Variants in DIAPH2 observed in about 807,000 individuals in gnomAD.
The protein encoded by DIAPH2 is protein diaphanous homolog 2.
DIAPH2 carries 35 observed loss-of-function variants against 92.7 expected under a neutral mutation model. That is an observed-to-expected ratio of 0.38 (90% confidence interval 0.29 to 0.50). DIAPH2 has a LOEUF of 0.50. Among genes scored for constraint, DIAPH2 ranks in the 20% least tolerant of loss-of-function variants. The pLI, the probability that DIAPH2 is intolerant of heterozygous loss-of-function variation, is 0.94. For synonymous variants in DIAPH2, 301 were observed against 280.4 expected, an observed-to-expected ratio of 1.07 and a Z score of -0.73; for missense variants, 701 against 819.5, an observed-to-expected ratio of 0.86 and a Z score of 1.77.
At chrX:97,424,730 C>T (rs1189607538) in intron 25 of DIAPH2, among the ~76,000 whole-genome samples, 1 of 111,498 alleles carries the variant, frequency 9.0e-6, no homozygotes, top group Non-Finnish European at 1.9e-5. Context: ...CCCTCCCGCC[C>T]CAGCCTCCTG....
intron 19 of DIAPH2, among the ~76,000 whole-genome samples, chrX:97,085,641 T>C (rs1033627691): frequency 2.7e-5 from 3 of 110,922 alleles, no homozygotes; most frequent in Non-Finnish European, 5.7e-5. Flanking sequence ...GGTCTCAAAC[T>C]CCTGACCTCA....
intron 4 of DIAPH2, among the ~76,000 whole-genome samples, chrX:96,778,419 C>CT (rs1037897663): frequency 4.6e-5 from 5 of 109,335 alleles, no homozygotes; most frequent in African/African-American, 1.7e-4. Context: ...AATTTTTTTT[C>CT]TTTTTTTGCC....
chrX:97,495,116 T>G (rs1367199636), intron 26 of DIAPH2, among the ~76,000 whole-genome samples: 1 of 112,461 alleles, frequency 8.9e-6, no homozygotes, highest in Non-Finnish European at 1.9e-5. Flanking sequence ...CAAAGTGATA[T>G]TTTTCAGTGC....
intron 4 of DIAPH2, among the ~76,000 whole-genome samples, chrX:96,794,948 C>A (rs1414400867): frequency 5.4e-5 from 6 of 111,964 alleles, no homozygotes; most frequent in Non-Finnish European, 1.1e-4. Flanking sequence ...GTGTCATCTT[C>A]TGCTTTTCCT....
intron 23 of DIAPH2, among the ~76,000 whole-genome samples, chrX:97,329,792 C>T (rs1347557510): frequency 9.2e-6 from 1 of 109,014 alleles, no homozygotes; most frequent in African/African-American, 3.3e-5. Context: ...CACTTAGAAG[C>T]CTTTGCTCGA....
At chrX:97,147,706 C>T (rs890358031) in intron 22 of DIAPH2, among the ~76,000 whole-genome samples, 4 of 111,480 alleles carry the variant, frequency 3.6e-5, no homozygotes, top group African/African-American at 1.3e-4. Context: ...TAAATTGGTG[C>T]CATCCTACAA....
intron 21 of DIAPH2, among the ~76,000 whole-genome samples, chrX:97,121,267 A>C (rs1313302989): frequency 8.9e-6 from 1 of 111,994 alleles, no homozygotes; most frequent in East Asian, 2.8e-4. Context: ...TTATTTTTTC[A>C]CAGTTATAGG....
At chrX:96,720,322 C>T (rs1255557718) in intron 1 of DIAPH2, among the ~76,000 whole-genome samples, 1 of 111,310 alleles carries the variant, frequency 9.0e-6, no homozygotes, top group African/African-American at 3.3e-5. Context: ...CAGGCTCCAG[C>T]TCAGGCACAT....
intron 21 of DIAPH2, among the ~76,000 whole-genome samples, chrX:97,137,286 T>C (rs1408800845): frequency 7.3e-5 from 7 of 96,252 alleles, no homozygotes; most frequent in South Asian, 5.0e-4. Context: ...TATATATATA[T>C]ATATATATAT....
At chrX:97,117,382 G>A (rs1482004069) in intron 21 of DIAPH2, among the ~76,000 whole-genome samples, 1 of 111,800 alleles carries the variant, frequency 8.9e-6, no homozygotes, top group African/African-American at 3.2e-5. Flanking sequence ...TAGAATTGCT[G>A]TTTAATTTCA....
intron 26 of DIAPH2, among the ~76,000 whole-genome samples, chrX:97,595,863 C>T (rs981048833): frequency 1.8e-5 from 2 of 111,507 alleles, no homozygotes; most frequent in African/African-American, 6.5e-5. Flanking sequence ...AACTCCCGAC[C>T]TCAGGTGATC....
At chrX:97,124,652 T>C (rs760765248) in intron 21 of DIAPH2, among the ~76,000 whole-genome samples, 4 of 112,152 alleles carry the variant, frequency 3.6e-5, no homozygotes, top group East Asian at 5.6e-4. Flanking sequence ...ATTATTCTTA[T>C]GTATGTTAAA....
At chrX:97,470,359 A>G (rs2070552082) in intron 26 of DIAPH2, among the ~76,000 whole-genome samples, 1 of 111,668 alleles carries the variant, frequency 9.0e-6, no homozygotes, top group South Asian at 3.7e-4. Flanking sequence ...TGTAATGCGT[A>G]TATTTTTATA....
chrX:96,904,430 T>C (rs893517747), intron 5 of DIAPH2, among the ~76,000 whole-genome samples: 1 of 112,241 alleles, frequency 8.9e-6, no homozygotes, highest in African/African-American at 3.2e-5. Flanking sequence ...TTTGCTTTCA[T>C]GTAGAGAAAC....
chrX:97,566,514 C>T (rs1200979204), intron 26 of DIAPH2, among the ~76,000 whole-genome samples: 1 of 111,565 alleles, frequency 9.0e-6, no homozygotes, highest in Non-Finnish European at 1.9e-5. Flanking sequence ...AGTTGCAGCC[C>T]TTGTCCTCAA....
chrX:96,751,581 A>T (rs1464678743), intron 3 of DIAPH2, among the ~76,000 whole-genome samples: 1 of 98,957 alleles, frequency 1.0e-5, no homozygotes, highest in Non-Finnish European at 2.0e-5. Context: ...GTCTCAAAAA[A>T]AATAATAATA....
chrX:96,936,555 T>A (rs2065659156), intron 10 of DIAPH2, among the ~76,000 whole-genome samples: 1 of 111,692 alleles, frequency 9.0e-6, no homozygotes, highest in Non-Finnish European at 1.9e-5. Flanking sequence ...AAATTTTTTA[T>A]ACTATTATTA....
At chrX:96,715,536 C>T (rs1029337902) in intron 1 of DIAPH2, among the ~76,000 whole-genome samples, 5 of 111,693 alleles carry the variant, frequency 4.5e-5, no homozygotes, top group Non-Finnish European at 7.5e-5. Flanking sequence ...TATATGCTTT[C>T]CCGTGGCAGT....
At chrX:96,942,273 C>T in intron 13 of DIAPH2, 137 bp downstream of exon 13, 2 of 451,692 alleles carry the variant, frequency 4.4e-6, no homozygotes, top group East Asian at 7.6e-5. Context: ...ATCATTGTGT[C>T]TCTGGGCACT....
Sources: gnomAD v4.1 joint callset for allele counts (sites outside exome capture counted in the v4.1 genomes callset) on GRCh38, gnomAD v4.1.1 for gene constraint, MANE v1.5 for transcripts, NCBI Gene and HGNC (gene_info 2026-07-23, HGNC 2026-07-21) for gene names.